Variants in SMYD1 observed in about 807,000 individuals in gnomAD.
SMYD1 encodes SET and MYND domain containing 1, also known as histone-lysine N-methyltransferase SMYD1.
In SMYD1, 49 loss-of-function variants were observed where a neutral mutation model predicts 54.0. That is an observed-to-expected ratio of 0.91 (90% CI 0.72 to 1.15). The LOEUF (loss-of-function observed/expected upper bound fraction) is 1.15, where lower values mean the gene tolerates loss of function less well. SMYD1 is among the 50% of genes most tolerant of loss of function. The probability of loss-of-function intolerance (pLI) is 0.00; values close to 1 mark genes in which losing one functional copy is unlikely to be tolerated. For synonymous variants in SMYD1, 269 were observed against 234.2 expected, an observed-to-expected ratio of 1.15 and a Z score of -1.36; for missense variants, 653 against 639.6, an observed-to-expected ratio of 1.02 and a Z score of -0.23.
At chr2:88,068,107 G>T in intron 1 of SMYD1, 106 bp downstream of exon 1, 1 of 1,436,916 alleles carries the variant, frequency 7.0e-7, no homozygotes, top group African/African-American at 1.4e-5. Context: ...AAATTCATGT[G>T]CTCTTTTTTC....
At chr2:88,073,890 C>T (rs140796387) in intron 1 of SMYD1, among the ~76,000 whole-genome samples, 1,582 of 152,094 alleles carry the variant, frequency 0.01, 30 homozygotes, top group African/African-American at 0.036. Context: ...TCTTTTGATG[C>T]CCTCAATTTT....
intron 9 of SMYD1, 94 bp downstream of exon 9, chr2:88,108,633 C>G: frequency 7.8e-7 from 1 of 1,274,906 alleles, no homozygotes; most frequent in Non-Finnish European, 1.0e-6. Context: ...TAGAAAAGTC[C>G]ACATACTCCC....
chr2:88,107,964 C>T (rs139671960), intron 8 of SMYD1, among the ~76,000 whole-genome samples: 12,206 of 152,268 alleles, frequency 0.08, 1,212 homozygotes, highest in East Asian at 0.51. Flanking sequence ...ACCCACTGTC[C>T]GACAATCCCC....
chr2:88,067,988 G>C lies in SMYD1; in HGVS notation c.124G>C (p.Val42Leu). 1 of 1,613,568 alleles carries C rather than the reference G, an allele frequency of 6.2e-7. No individual in the cohort carries two copies. The highest frequency in any genetic ancestry group is 8.5e-7 in the Non-Finnish European group (1 of 1,179,968). Residue 42 changes from valine to leucine, a missense_variant, in exon 1 of 10, where the codon GTG becomes CTG. Coordinates refer to ENST00000419482, the MANE Select transcript of SMYD1 (RefSeq NM_198274.4). ...IIFAERAYSA[V>L]VFDSLVNFVC... ...CTTTGCTGAGCGGGCTTATTCCGCAGTGGTTTTTGACAGGTATGAAATGTG... is the reference window on the plus strand; with the variant it reads ...CTTTGCTGAGCGGGCTTATTCCGCACTGGTTTTTGACAGGTATGAAATGTG...
At chr2:88,097,213 A>G (rs1448753535) in intron 6 of SMYD1, among the ~76,000 whole-genome samples, 1 of 152,178 alleles carries the variant, frequency 6.6e-6, no homozygotes, top group African/African-American at 2.4e-5. Context: ...CTGGTTATCA[A>G]AAAGATATTC....
chr2:88,098,345 T>TC (rs1674649016), intron 6 of SMYD1, among the ~76,000 whole-genome samples: 1 of 152,208 alleles, frequency 6.6e-6, no homozygotes, highest in African/African-American at 2.4e-5. Flanking sequence ...GGCCTTTAGT[T>TC]CCCATCCCTT....
rs61748137 is a variant in SMYD1, at chr2:88,084,451, G to A, written c.273G>A (p.Ser91=). The change falls in exon 2 of 10, where the codon TCG becomes TCA. Residue 91 remains serine, a synonymous_variant. Coordinates refer to ENST00000419482, the MANE Select transcript of SMYD1 (RefSeq NM_198274.4). The part of the protein sequence containing the change: ...DAWLNHKNEC[S]AIKRYGKVPN... ...GGCTGAACCACAAGAATGAATGTTC[G>A]GCCATCAAGAGATATGGGAAGGTGC... is the stretch of plus-strand genomic sequence containing the variant. The A allele has an allele frequency of 0.058, 93,343 of 1,602,722 alleles. 3,103 individuals are homozygous for A. The highest frequency in any genetic ancestry group is 0.068 in the Non-Finnish European group (79,396 of 1,170,876).
At chr2:88,086,104 G>C (rs1463925348) in intron 2 of SMYD1, among the ~76,000 whole-genome samples, 1 of 152,202 alleles carries the variant, frequency 6.6e-6, no homozygotes, top group South Asian at 2.1e-4. Context: ...ATTCATGAGT[G>C]TAAGTAAAAC....
chr2:88,095,115 T>G (rs1674550979), intron 5 of SMYD1, among the ~76,000 whole-genome samples: 2 of 152,180 alleles, frequency 1.3e-5, no homozygotes, highest in Admixed American at 1.3e-4. Context: ...CTATCCCTCT[T>G]GTGTCACTAT....
chr2:88,069,274 A>G (rs1673897577), intron 1 of SMYD1, among the ~76,000 whole-genome samples: 1 of 152,224 alleles, frequency 6.6e-6, no homozygotes, highest in Admixed American at 6.5e-5. Context: ...TGCTTCCCAC[A>G]GATAACTTGA....
intron 1 of SMYD1, among the ~76,000 whole-genome samples, chr2:88,074,800 G>A (rs1674023244): frequency 6.6e-6 from 1 of 152,178 alleles, no homozygotes; most frequent in South Asian, 2.1e-4. Context: ...TTGAGTATTT[G>A]TAAATAAATT....
chr2:88,087,876 T>A lies in SMYD1; in HGVS notation c.329T>A (p.Ile110Asn). ...PNENIRLAAR[I>N]MWRVEREGTG... The stretch of plus-strand genomic sequence containing the variant: ...CCTTCCCACAGGCTGGCGGCGCGCA[T>A]CATGTGGCGGGTGGAGAGAGAAGGC... The change falls in exon 3 of 10, where the codon ATC (isoleucine) becomes AAC (asparagine). Residue 110 changes from isoleucine to asparagine, a missense_variant. By Grantham distance (149) the Ile-to-Asn change is moderately radical. Transcript: ENST00000419482. The A allele has an allele frequency of 6.3e-7, 1 of 1,595,478 alleles. No homozygotes were observed. The highest frequency in any genetic ancestry group is 8.5e-7 in the Non-Finnish European group (1 of 1,170,146).
At chr2:88,083,645 A>G (rs1674251182) in intron 1 of SMYD1, among the ~76,000 whole-genome samples, 1 of 152,252 alleles carries the variant, frequency 6.6e-6, no homozygotes, top group South Asian at 2.1e-4. Flanking sequence ...TGTTCTGAAT[A>G]ACACTAGTTC....
At chr2:88,071,991 T>C (rs141424670) in intron 1 of SMYD1, among the ~76,000 whole-genome samples, 1 of 81,956 alleles carries the variant, frequency 1.2e-5, no homozygotes, top group African/African-American at 4.5e-5. Context: ...TTCTCTGCAA[T>C]CTTAACATTT....
At chr2:88,089,977 G>T (rs944906688) in intron 3 of SMYD1, among the ~76,000 whole-genome samples, 4 of 152,132 alleles carry the variant, frequency 2.6e-5, no homozygotes, top group African/African-American at 7.2e-5. Flanking sequence ...GATAGGTCTG[G>T]GGACTAGGGC....
intron 6 of SMYD1, among the ~76,000 whole-genome samples, chr2:88,098,351 C>T (rs1480338505): frequency 1.3e-5 from 2 of 152,178 alleles, no homozygotes; most frequent in African/African-American, 2.4e-5. Context: ...TAGTTCCCAT[C>T]CCTTCACTTT....
chr2:88,106,397 C>T lies in SMYD1; in HGVS notation c.1054C>T (p.Arg352Trp), dbSNP rs767603113. 7.2e-5 allele frequency: 116 copies of T among 1,614,052 alleles called. 1 individual carries two copies. The highest frequency in any genetic ancestry group is 1.6e-4 in the Middle Eastern group (1 of 6,078). ...TGCTGACACCAACATCTACATGCTGCGGATGCTGAGCATTGTTTCGGAGGT... is the reference window on the plus strand; with the variant it reads ...TGCTGACACCAACATCTACATGCTGTGGATGCTGAGCATTGTTTCGGAGGT... ...VFADTNIYML[R>W]MLSIVSEVLS... is the part of the protein sequence containing the mutation. Residue 352 changes from arginine (R) to tryptophan (W), a missense_variant, in exon 8 of 10, where the codon CGG (arginine) becomes TGG (tryptophan). Arg to Trp is a moderately radical substitution (Grantham distance 101, BLOSUM62 -3). Transcript: ENST00000419482.
At chr2:88,092,351 T>C (rs1279820314) in intron 4 of SMYD1, among the ~76,000 whole-genome samples, 1 of 152,090 alleles carries the variant, frequency 6.6e-6, no homozygotes, top group East Asian at 1.9e-4. Context: ...CTCCTGGTGG[T>C]CCATGGCTCA....
At chr2:88,090,654 C>T (rs754037144) in intron 3 of SMYD1, among the ~76,000 whole-genome samples, 12 of 152,204 alleles carry the variant, frequency 7.9e-5, no homozygotes, top group Non-Finnish European at 1.3e-4. Flanking sequence ...CACACGCCCA[C>T]GCGCACACAA....
Sources: allele counts gnomAD v4.1 joint callset (sites outside exome capture counted in the v4.1 genomes callset), GRCh38; gene constraint gnomAD v4.1.1; transcripts MANE v1.5; gene names NCBI Gene and HGNC (gene_info 2026-07-23, HGNC 2026-07-21).